The following RBFOX1 variants were observed in gnomAD, a reference collection of about 807,000 sequenced individuals.
The protein encoded by RBFOX1 is RNA binding protein fox-1 homolog 1.
Under a neutral mutation model 57.7 loss-of-function variants are expected in RBFOX1, and 8 were observed. The observed-to-expected ratio is 0.14, with a 90% CI of 0.08 to 0.25. The LOEUF is 0.25. RBFOX1 is among the 10% of genes least tolerant of loss of function. The pLI, the probability that RBFOX1 is intolerant of heterozygous loss-of-function variation, is 1.00. For missense variants in RBFOX1, 611 were observed against 548.5 expected, an observed-to-expected ratio of 1.11 and a Z score of -1.14; for synonymous variants, 326 against 222.4, an observed-to-expected ratio of 1.47 and a Z score of -4.15.
chr16:6,750,973 G>T (rs528744975), intron 3 of RBFOX1, among the ~76,000 whole-genome samples: 1 of 152,058 alleles, frequency 6.6e-6, no homozygotes, highest in Non-Finnish European at 1.5e-5. Flanking sequence ...TGATATGAAG[G>T]TGCCAACTGG....
chr16:6,088,432 A>G (rs563636743), intron 1 of RBFOX1, among the ~76,000 whole-genome samples: 2 of 152,306 alleles, frequency 1.3e-5, no homozygotes, highest in East Asian at 3.9e-4. Context: ...GAATTTTTCC[A>G]AAGATGAATA....
chr16:5,596,456 T>A (rs530230718), intron 2 of RBFOX1, among the ~76,000 whole-genome samples: 1 of 152,324 alleles, frequency 6.6e-6, no homozygotes, highest in African/African-American at 2.4e-5. Context: ...TGGGTCTCTG[T>A]TTCTGTTACT....
At chr16:6,929,752 G>C (rs1311692934) in intron 3 of RBFOX1, among the ~76,000 whole-genome samples, 1 of 152,158 alleles carries the variant, frequency 6.6e-6, no homozygotes, top group Non-Finnish European at 1.5e-5. Flanking sequence ...GAGGAAAATA[G>C]AAATGATCGT....
At chr16:6,225,276 A>G (rs553275798) in intron 1 of RBFOX1, among the ~76,000 whole-genome samples, 8 of 152,238 alleles carry the variant, frequency 5.3e-5, no homozygotes, top group Non-Finnish European at 1.0e-4. Flanking sequence ...AAAGCTTGGT[A>G]TCAAAAGCTG....
At chr16:5,931,468 GAGA>G (rs1402431007) in intron 4 of RBFOX1, among the ~76,000 whole-genome samples, 2 of 152,144 alleles carry the variant, frequency 1.3e-5, no homozygotes, top group African/African-American at 4.8e-5. Context: ...GGTGTTAACA[GAGA>G]AGGAGAGTGG....
In RBFOX1 at chr16:5,634,111, A is replaced by G. The variant is rs938984122; in HGVS notation, c.318+35150A>G. Among the ~76,000 whole-genome samples, 5 of 152,056 alleles carry G rather than the reference A, an allele frequency of 3.3e-5. No homozygotes were observed. The East Asian group carries it at 9.7e-4, about 29-fold the overall frequency. ...AACTTCCAAATGATCCTTACCCTTTACCTTTTATAGCCACTGGCCTCACTT... is the reference window on the plus strand; with the variant it reads ...AACTTCCAAATGATCCTTACCCTTTGCCTTTTATAGCCACTGGCCTCACTT... On this transcript the variant is annotated intron_variant, in intron 3 of 19. Coordinates refer to the RBFOX1 transcript ENST00000641259.
chr16:6,213,220 G>A (rs549164885), intron 1 of RBFOX1, among the ~76,000 whole-genome samples: 63 of 152,026 alleles, frequency 4.1e-4, no homozygotes, highest in African/African-American at 1.5e-3. Context: ...TGTCTTTGGG[G>A]ATAGCTTTAT....
At position 6,355,562 on chromosome 16, in the gene RBFOX1, C is replaced by G. The variant is rs182406628; in HGVS notation, c.-64+38505C>G. 6.0e-3 allele frequency among the ~76,000 whole-genome samples: 911 copies of G among 152,262 alleles called. 3 individuals are homozygous for G. Among genetic ancestry groups the G allele is most frequent in the Non-Finnish European group, 1.0e-2 (680 of 68,022 alleles). ...AGGGACATTTGGGTTGGTTCCAAGTCTTTGCTATTGTGAATAGTGACACAA... is the reference window on the plus strand; with the variant it reads ...AGGGACATTTGGGTTGGTTCCAAGTGTTTGCTATTGTGAATAGTGACACAA... On this transcript the variant is annotated intron_variant, in intron 2 of 15. Transcript: ENST00000550418.
chr16:5,440,999 T>A (rs956987414), intron 1 of RBFOX1, among the ~76,000 whole-genome samples: 2 of 152,166 alleles, frequency 1.3e-5, no homozygotes, highest in Admixed American at 1.3e-4. Flanking sequence ...GTATACATTT[T>A]AATGGAAGTA....
intron 4 of RBFOX1, among the ~76,000 whole-genome samples, chr16:7,327,978 C>G (rs557821658): frequency 1.4e-3 from 208 of 152,252 alleles, no homozygotes; most frequent in African/African-American, 4.6e-3. Context: ...ATCTTCCAGA[C>G]ACAGCCAACA....
At chr16:5,471,027 A>G (rs936329133) in intron 2 of RBFOX1, among the ~76,000 whole-genome samples, 3 of 151,896 alleles carry the variant, frequency 2.0e-5, no homozygotes, top group Non-Finnish European at 4.4e-5. Context: ...AATTTTTTGT[A>G]TTTTTAGTAG....
At chr16:6,227,096 C>T (rs1050175647) in intron 1 of RBFOX1, among the ~76,000 whole-genome samples, 6 of 151,612 alleles carry the variant, frequency 4.0e-5, no homozygotes, top group African/African-American at 1.2e-4. Flanking sequence ...TGAACTCCAG[C>T]GTAGGTGACA....
rs1253301863 is a variant in RBFOX1 at position 5,947,261 on chromosome 16, C to T, written c.351+79926C>T. 2.0e-5 allele frequency among the ~76,000 whole-genome samples: 3 copies of T among 152,218 alleles called. No homozygotes were observed. In the East Asian group the frequency reaches 5.8e-4, roughly 29 times the overall value. On this transcript the variant is annotated intron_variant, in intron 4 of 19. Transcript: ENST00000641259. The surrounding 1 kb of genome is among the most constrained non-coding windows in gnomAD (Gnocchi z 7.2). ...GAAAGGCTACTAAGGCTGGAGAGCACAGTGGGTAAGGAGGAGGTGGCCAAG... is the reference window on the plus strand; with the variant it reads ...GAAAGGCTACTAAGGCTGGAGAGCATAGTGGGTAAGGAGGAGGTGGCCAAG...
intron 3 of RBFOX1, among the ~76,000 whole-genome samples, chr16:5,824,232 C>T (rs1266702192): frequency 4.6e-5 from 7 of 152,192 alleles, no homozygotes; most frequent in African/African-American, 1.4e-4. Flanking sequence ...AGAGTCTGCG[C>T]CAGGTCCCTG....
At chr16:7,037,105 T>C (rs1046260240) in intron 3 of RBFOX1, among the ~76,000 whole-genome samples, 1 of 152,178 alleles carries the variant, frequency 6.6e-6, no homozygotes, top group Non-Finnish European at 1.5e-5. Flanking sequence ...GCTTCTTTAC[T>C]GCAAACTGTT....
intron 3 of RBFOX1, among the ~76,000 whole-genome samples, chr16:6,974,250 G>A (rs372521397): frequency 2.0e-5 from 3 of 151,582 alleles, no homozygotes; most frequent in South Asian, 4.2e-4. Flanking sequence ...TGAATGCAGA[G>A]AGGCATGTGG....
At chr16:5,433,387 C>T (rs1240812738) in intron 1 of RBFOX1, among the ~76,000 whole-genome samples, 1 of 152,168 alleles carries the variant, frequency 6.6e-6, no homozygotes, top group African/African-American at 2.4e-5. Flanking sequence ...TTTGAAGCCA[C>T]ATGCGTGCTG....
intron 3 of RBFOX1, among the ~76,000 whole-genome samples, chr16:6,771,137 T>C (rs1309358995): frequency 6.6e-6 from 1 of 152,012 alleles, no homozygotes; most frequent in Non-Finnish European, 1.5e-5. Context: ...GAGAATACCA[T>C]ATAAACAACA....
At chr16:6,013,448 A>G (rs1036946460) in intron 4 of RBFOX1, among the ~76,000 whole-genome samples, 19 of 152,276 alleles carry the variant, frequency 1.2e-4, no homozygotes, top group Admixed American at 9.8e-4. Flanking sequence ...TCTAAGACCA[A>G]TTGGTTAGGA....
Sources: gnomAD v4.1 joint callset for allele counts (sites outside exome capture counted in the v4.1 genomes callset) on GRCh38, gnomAD v4.1.1 for gene constraint, Gnocchi (gnomAD v3.1) non-coding constraint, MANE v1.5 for transcripts, NCBI Gene and HGNC (gene_info 2026-07-23, HGNC 2026-07-21) for gene names.